Variants in SLC7A6 observed in about 807,000 individuals in gnomAD.
SLC7A6 encodes Y+L amino acid transporter 2.
In SLC7A6, 29 loss-of-function variants were observed where a neutral mutation model predicts 46.6. The ratio of observed to expected loss-of-function variants is 0.62; its 90% confidence interval spans 0.46 to 0.85. The LOEUF is 0.85. Among genes scored for constraint, SLC7A6 ranks in the 40% least tolerant of loss-of-function variants. The pLI is 0.00. For synonymous variants in SLC7A6, 276 were observed against 257.3 expected, an observed-to-expected ratio of 1.07 and a Z score of -0.70; for missense variants, 527 against 647.6, an observed-to-expected ratio of 0.81 and a Z score of 2.02.
intron 7 of SLC7A6, 27 bp downstream of exon 7, chr16:68,291,688 T>C (rs1362057093): frequency 1.3e-6 from 2 of 1,585,874 alleles, no homozygotes; most frequent in South Asian, 2.2e-5. Context: ...TCACTGATAA[T>C]AGACCACAAT....
At chr16:68,288,895 C>T (rs1487708238) in intron 4 of SLC7A6, among the ~76,000 whole-genome samples, 6 of 138,778 alleles carry the variant, frequency 4.3e-5, no homozygotes, top group African/African-American at 1.4e-4. Flanking sequence ...AAACAGGAGG[C>T]GGAAGTTGCA....
At position 68,274,706 on chromosome 16, in the gene SLC7A6, G is replaced by C; in HGVS notation, c.-21G>C. On this transcript the variant is annotated 5_prime_UTR_variant, in exon 3 of 11. Transcript: ENST00000219343. ...TCTTTGCCAGGCCACAGCAAACACA[G>C]GTGTGCAGGAACCGTTTGTCATGGA... 1 of 1,613,160 alleles carries C rather than the reference G, an allele frequency of 6.2e-7. No individual in the cohort carries two copies. Among genetic ancestry groups the C allele is most frequent in the East Asian group, 2.2e-5 (1 of 44,864 alleles).
At chr16:68,269,610 C>G (rs757128027) in intron 2 of SLC7A6, among the ~76,000 whole-genome samples, 2 of 152,006 alleles carry the variant, frequency 1.3e-5, no homozygotes, top group Non-Finnish European at 2.9e-5. Flanking sequence ...GTTTATTAGC[C>G]AGGCATGGTA....
At chr16:68,290,951 A>C in intron 5 of SLC7A6, 1 of 511,940 alleles carries the variant, frequency 2.0e-6, no homozygotes, top group Non-Finnish European at 3.5e-6. Flanking sequence ...TCACAGATGC[A>C]GGAGGATTAT....
chr16:68,265,626 T>C (rs1426888696), intron 1 of SLC7A6: 4 of 152,052 alleles, frequency 2.6e-5, no homozygotes, highest in Admixed American at 2.6e-4. Context: ...TTCCACCTCT[T>C]TTTGGTGGCG....
intron 3 of SLC7A6, among the ~76,000 whole-genome samples, chr16:68,284,859 C>CTCTTTTTTTTT (rs776927373): frequency 4.2e-5 from 4 of 95,646 alleles, no homozygotes; most frequent in African/African-American, 1.8e-4. Flanking sequence ...ATTTTCTCGT[C>CTCTTTTTTTTT]TTTTTTTTTT....
chr16:68,272,269 A>G (rs1181453432), intron 2 of SLC7A6, among the ~76,000 whole-genome samples: 1 of 151,804 alleles, frequency 6.6e-6, no homozygotes, highest in Non-Finnish European at 1.5e-5. Context: ...TAAAAAAAAA[A>G]TACATAAATA....
At chr16:68,294,849 C>T in intron 8 of SLC7A6, 48 bp downstream of exon 8, 4 of 1,304,120 alleles carry the variant, frequency 3.1e-6, no homozygotes, top group Non-Finnish European at 3.3e-6. Context: ...GTGCATTGCT[C>T]CTTCTGATTT....
intron 3 of SLC7A6, 40 bp downstream of exon 3, chr16:68,275,289 G>T: frequency 2.6e-6 from 4 of 1,557,986 alleles, no homozygotes; most frequent in East Asian, 2.3e-5. Flanking sequence ...TGGGGGGTGG[G>T]GGGTACTATA....
At position 68,298,878 on chromosome 16, in the gene SLC7A6, A is replaced by C. The variant is rs1212101621; in HGVS notation, c.*1550A>C. The stretch of plus-strand genomic sequence containing the variant: ...AGAACCTGCTAGCTTGACATACCCC[A>C]TGGGCTTATCCTTAGGTTTTGGAAT... On this transcript the variant is annotated 3_prime_UTR_variant, in exon 11 of 11. Coordinates refer to ENST00000219343, the MANE Select transcript of SLC7A6 (RefSeq NM_003983.6). The C allele has an allele frequency of 6.6e-6, 1 of 152,620 alleles. No homozygotes were observed. The highest frequency in any genetic ancestry group is 6.5e-5 in the Admixed American group (1 of 15,272). The allele number at this position is 152,620 out of a possible 1,614,324, so 9.5% of individuals were successfully genotyped here. A position where few individuals can be genotyped will look rare whatever the true frequency, so the allele number is the denominator to read the frequency against.
chr16:68,271,731 G>A (rs2042626742), intron 2 of SLC7A6, among the ~76,000 whole-genome samples: 1 of 152,188 alleles, frequency 6.6e-6, no homozygotes, highest in South Asian at 2.1e-4. Context: ...TTTTGCTCTT[G>A]GGTGTTTAGC....
intron 2 of SLC7A6, among the ~76,000 whole-genome samples, chr16:68,270,047 T>G (rs2042599706): frequency 6.6e-6 from 1 of 152,102 alleles, no homozygotes; most frequent in Non-Finnish European, 1.5e-5. Flanking sequence ...AGATTACAGG[T>G]GTAAGCCACT....
intron 8 of SLC7A6, chr16:68,295,052 A>G (rs1458661152): frequency 1.0e-5 from 4 of 395,854 alleles, no homozygotes; most frequent in Admixed American, 8.8e-5. Flanking sequence ...AATGGCAGCC[A>G]GCTATACCAA....
At chr16:68,294,054 C>T (rs1324564538) in intron 7 of SLC7A6, among the ~76,000 whole-genome samples, 4 of 152,140 alleles carry the variant, frequency 2.6e-5, no homozygotes. Context: ...TGTGCTACCG[C>T]GCCCGGCTTA....
At chr16:68,287,141 C>G (rs2151225502) in intron 3 of SLC7A6, among the ~76,000 whole-genome samples, 1 of 152,058 alleles carries the variant, frequency 6.6e-6, no homozygotes, top group South Asian at 2.1e-4. Context: ...CCACGCCCAG[C>G]TAATTTTTGT....
In SLC7A6 at chr16:68,274,991, C is replaced by G. The variant is rs1213141212; in HGVS notation, c.265C>G (p.Leu89Val). 1.2e-6 allele frequency: 2 copies of G among 1,614,064 alleles called. No homozygotes were observed. The highest frequency in any genetic ancestry group is 1.7e-5 in the Admixed American group (1 of 60,006). Residue 89 changes from leucine (L) to valine (V), a missense_variant, in exon 3 of 11, where the codon CTC (leucine) becomes GTC (valine). Transcript: ENST00000219343. The stretch of plus-strand genomic sequence containing the variant: ...ACTGATTGTGTGGGCCATTGGTGGG[C>G]TCTTCTCTGTTGTGGGTGCCCTTTG... ...MSLIVWAIGG[L>V]FSVVGALCYA...
At chr16:68,277,122 T>C (rs2042726049) in intron 3 of SLC7A6, among the ~76,000 whole-genome samples, 1 of 151,966 alleles carries the variant, frequency 6.6e-6, no homozygotes, top group African/African-American at 2.4e-5. Flanking sequence ...AGTCTTGCTC[T>C]GTCACCCAGG....
rs545487878 is a variant in SLC7A6 at position 68,271,794 on chromosome 16, T to C, written c.-36-2897T>C. ...GCCAAGGACAGGCTCTTGATAACAA[T>C]TGCATTTTTCTTTTCTTTTTTTTTT... On this transcript the variant is annotated intron_variant, in intron 2 of 10. Transcript: ENST00000219343. 5.3e-5 allele frequency among the ~76,000 whole-genome samples: 8 copies of C among 151,484 alleles called. No individual in the cohort carries two copies. In the East Asian group the frequency reaches 5.8e-4, roughly 11 times the overall value.
In SLC7A6 at chr16:68,291,667, G is replaced by A. The variant is rs369444086; in HGVS notation, c.1022+6G>A. On this transcript the variant is annotated splice_donor_region_variant and intron_variant, in intron 7 of 10. Transcript: ENST00000219343. ...TCCATCTTTGCTTCATCAAGGTACT[G>A]TGTCTCTGTGTCACTGATAATAGAC... The A allele has an allele frequency of 1.3e-5, 21 of 1,611,202 alleles. No homozygotes were observed. Among genetic ancestry groups the A allele is most frequent in the Non-Finnish European group, 1.7e-5 (20 of 1,177,652 alleles).
Sources: gnomAD v4.1 joint callset for allele counts (sites outside exome capture counted in the v4.1 genomes callset) on GRCh38, gnomAD v4.1.1 for gene constraint, MANE v1.5 for transcripts, NCBI Gene and HGNC (gene_info 2026-07-23, HGNC 2026-07-21) for gene names.